Variants in FARS2 observed in about 807,000 individuals in gnomAD.
The protein encoded by FARS2 is phenylalanine--tRNA ligase, mitochondrial.
A neutral mutation model predicts 46.4 loss-of-function variants in FARS2; 40 were observed. The observed-to-expected ratio is 0.86, with a 90% CI of 0.67 to 1.12. The LOEUF (loss-of-function observed/expected upper bound fraction) is 1.12. Among genes scored for constraint, FARS2 ranks in the 50% most tolerant of loss-of-function variants. The probability of loss-of-function intolerance (pLI) is 0.00; values close to 1 mark genes in which losing one functional copy is unlikely to be tolerated. For synonymous variants in FARS2, 234 were observed against 214.9 expected, an observed-to-expected ratio of 1.09 and a Z score of -0.78; for missense variants, 513 against 567.9, an observed-to-expected ratio of 0.90 and a Z score of 0.98.
At chr6:5,552,910 T>G (rs1311332978) in intron 5 of FARS2, among the ~76,000 whole-genome samples, 1 of 152,238 alleles carries the variant, frequency 6.6e-6, no homozygotes, top group African/African-American at 2.4e-5. Context: ...ATTTGCTGTT[T>G]CAGTGCATTG....
At chr6:5,729,675 G>T (rs986884540) in intron 6 of FARS2, among the ~76,000 whole-genome samples, 1 of 151,998 alleles carries the variant, frequency 6.6e-6, no homozygotes, top group Non-Finnish European at 1.5e-5. Context: ...GGATGGACGT[G>T]TAGGTTACCC....
intron 4 of FARS2, among the ~76,000 whole-genome samples, chr6:5,504,433 C>G (rs1259189082): frequency 1.1e-5 from 1 of 87,464 alleles, no homozygotes; most frequent in Non-Finnish European, 2.3e-5. Context: ...TTTATGCTTT[C>G]CAGTAAAAAA....
At chr6:5,758,594 G>C (rs7748744) in intron 6 of FARS2, among the ~76,000 whole-genome samples, 28,629 of 151,874 alleles carry the variant, frequency 0.19, 3,671 homozygotes, top group African/African-American at 0.37. Flanking sequence ...AACCTGTTTT[G>C]TGCTTGTCTT....
rs142073519 is a variant in FARS2 at position 5,545,246 on chromosome 6, A to G, written c.971A>G (p.Tyr324Cys). The change falls in exon 5 of 7, where the codon TAC (tyrosine) becomes TGC (cysteine). Residue 324 changes from tyrosine to cysteine, a missense_variant. Physicochemically the swap from Tyr to Cys is radical, Grantham distance 194. Transcript: ENST00000274680. Reference sequence around the variant, plus strand: ...TTAGAAAGGCTAGCCATGATCCTCTACGACATCCCTGATATCCGTCTCTTC... The same window carrying G: ...TTAGAAAGGCTAGCCATGATCCTCTGCGACATCCCTGATATCCGTCTCTTC... ...LGLERLAMIL[Y>C]DIPDIRLFWC... 9.5e-5 allele frequency: 154 copies of G among 1,614,040 alleles called. No homozygotes were observed. In the African/African-American group the frequency reaches 1.9e-3, roughly 20 times the overall value.
intron 5 of FARS2, among the ~76,000 whole-genome samples, chr6:5,559,433 C>T (rs1339147460): frequency 6.6e-6 from 1 of 152,070 alleles, no homozygotes; most frequent in Non-Finnish European, 1.5e-5. Flanking sequence ...ACAGTAAAAA[C>T]ATTAGAAATG....
At chr6:5,501,408 G>C (rs1166642744) in intron 4 of FARS2, among the ~76,000 whole-genome samples, 1 of 152,156 alleles carries the variant, frequency 6.6e-6, no homozygotes, top group Non-Finnish European at 1.5e-5. Context: ...ACACAGCTCA[G>C]TTTGCCCAGG....
At chr6:5,310,768 G>T (rs1219340746) in intron 1 of FARS2, among the ~76,000 whole-genome samples, 12 of 152,122 alleles carry the variant, frequency 7.9e-5, no homozygotes, top group Admixed American at 5.9e-4. Context: ...CAAAACGTAA[G>T]GTCCATAGGC....
At chr6:5,301,847 A>G (rs1339486530) in intron 1 of FARS2, among the ~76,000 whole-genome samples, 1 of 150,152 alleles carries the variant, frequency 6.7e-6, no homozygotes, top group Non-Finnish European at 1.5e-5. Context: ...ACACACACAC[A>G]AAGAAAATGG....
intron 4 of FARS2, among the ~76,000 whole-genome samples, chr6:5,447,521 G>A (rs200194): frequency 0.85 from 129,498 of 152,146 alleles, 55,314 homozygotes; most frequent in East Asian, 0.96. Context: ...CTTCCTCATG[G>A]TGGAGACATT....
chr6:5,385,020 G>A (rs1760027873), intron 2 of FARS2, among the ~76,000 whole-genome samples: 1 of 152,158 alleles, frequency 6.6e-6, no homozygotes, highest in Non-Finnish European at 1.5e-5. Flanking sequence ...TTGGCATGTG[G>A]TGCATTACAG....
chr6:5,376,949 A>T (rs1759420040), intron 2 of FARS2, among the ~76,000 whole-genome samples: 1 of 152,236 alleles, frequency 6.6e-6, no homozygotes. Context: ...AAGGAGGGTG[A>T]ATGAGATCAG....
At chr6:5,372,171 T>G (rs949278038) in intron 2 of FARS2, among the ~76,000 whole-genome samples, 2 of 152,080 alleles carry the variant, frequency 1.3e-5, no homozygotes, top group Non-Finnish European at 2.9e-5. Flanking sequence ...GAATTAAAAG[T>G]TAAGTTTGAC....
chr6:5,518,367 T>G (rs1435093198), intron 4 of FARS2, among the ~76,000 whole-genome samples: 3 of 152,170 alleles, frequency 2.0e-5, no homozygotes, highest in Non-Finnish European at 4.4e-5. Context: ...AAAGAGAGAG[T>G]TCCATTTTGG....
intron 6 of FARS2, among the ~76,000 whole-genome samples, chr6:5,746,180 A>G (rs1335859010): frequency 6.6e-6 from 1 of 152,132 alleles, no homozygotes; most frequent in African/African-American, 2.4e-5. Context: ...ATCCTTTTAC[A>G]CTGCTGAGAC....
intron 1 of FARS2, among the ~76,000 whole-genome samples, chr6:5,332,507 G>A (rs982642225): frequency 4.6e-5 from 7 of 152,200 alleles, no homozygotes; most frequent in Non-Finnish European, 1.0e-4. Flanking sequence ...ATTTATGTGA[G>A]TTTGGAAGAT....
At chr6:5,604,192 G>A (rs182740033) in intron 5 of FARS2, among the ~76,000 whole-genome samples, 2 of 152,306 alleles carry the variant, frequency 1.3e-5, no homozygotes, top group Admixed American at 6.5e-5. Context: ...GGATATGTGC[G>A]AGGTTGCCAG....
intron 6 of FARS2, among the ~76,000 whole-genome samples, chr6:5,623,085 G>T (rs17141005): frequency 0.01 from 1,562 of 152,312 alleles, 29 homozygotes; most frequent in African/African-American, 0.035. Flanking sequence ...TGGAGCCTTA[G>T]TTTCCTCATC....
At chr6:5,319,013 G>A (rs1230836277) in intron 1 of FARS2, among the ~76,000 whole-genome samples, 5 of 152,076 alleles carry the variant, frequency 3.3e-5, no homozygotes, top group African/African-American at 4.8e-5. Flanking sequence ...GAATAGTTAG[G>A]TTCTTCCTTA....
intron 6 of FARS2, among the ~76,000 whole-genome samples, chr6:5,633,767 A>G (rs1462187085): frequency 6.6e-6 from 1 of 152,190 alleles, no homozygotes; most frequent in East Asian, 1.9e-4. Flanking sequence ...GTGAAACAAA[A>G]TATTTTCCTA....
Sources: gnomAD v4.1 joint callset for allele counts (sites outside exome capture counted in the v4.1 genomes callset) on GRCh38, gnomAD v4.1.1 for gene constraint, MANE v1.5 for transcripts, NCBI Gene and HGNC (gene_info 2026-07-23, HGNC 2026-07-21) for gene names.